The following PRKG1 variants were observed in gnomAD, a reference collection of about 807,000 sequenced individuals.
The protein encoded by PRKG1 is protein kinase cGMP-dependent 1.
PRKG1 carries 35 observed loss-of-function variants against 88.1 expected under a neutral mutation model. The ratio of observed to expected loss-of-function variants is 0.40; its 90% CI spans 0.30 to 0.53. PRKG1 has a LOEUF of 0.53. Among genes scored for constraint, PRKG1 ranks in the 20% least tolerant of loss-of-function variants. PRKG1 has a pLI of 0.59. For missense variants in PRKG1, 540 were observed against 839.8 expected (o/e 0.64, Z 4.41); for synonymous variants, 303 against 292.5 (o/e 1.04, Z -0.37).
chr10:51,273,274 G>C (rs1840027384), intron 2 of PRKG1, among the ~76,000 whole-genome samples: 1 of 151,100 alleles, frequency 6.6e-6, no homozygotes, highest in African/African-American at 2.4e-5. Flanking sequence ...CCTTTGGAAA[G>C]CTGAGGAAGG....
intron 1 of PRKG1, among the ~76,000 whole-genome samples, chr10:51,025,678 C>A (rs187393158): frequency 6.6e-6 from 1 of 152,268 alleles, no homozygotes; most frequent in African/African-American, 2.4e-5. Flanking sequence ...GATCTCGATG[C>A]AGCCACCTCT....
chr10:51,782,840 G>GT (rs1838627772), intron 3 of PRKG1, among the ~76,000 whole-genome samples: 1 of 152,096 alleles, frequency 6.6e-6, no homozygotes, highest in African/African-American at 2.4e-5. Flanking sequence ...ATATGGAACT[G>GT]TAAGTCCAAT....
intron 2 of PRKG1, among the ~76,000 whole-genome samples, chr10:51,256,774 A>G (rs1564657826): frequency 6.6e-6 from 1 of 152,116 alleles, no homozygotes; most frequent in Non-Finnish European, 1.5e-5. Flanking sequence ...GAAAAAATGA[A>G]ATCGGGGAAC....
At chr10:52,229,879 C>A (rs1198840796) in intron 9 of PRKG1, among the ~76,000 whole-genome samples, 1 of 152,138 alleles carries the variant, frequency 6.6e-6, no homozygotes, top group African/African-American at 2.4e-5. Flanking sequence ...GAGCCTTCAC[C>A]TACCCTTCTT....
chr10:51,246,067 A>G (rs912621196), intron 2 of PRKG1, among the ~76,000 whole-genome samples: 3 of 152,054 alleles, frequency 2.0e-5, no homozygotes, highest in Non-Finnish European at 2.9e-5. Context: ...AGAAGCCTCA[A>G]AGGTTTTGAG....
chr10:51,281,862 T>C (rs1013590783), intron 2 of PRKG1, among the ~76,000 whole-genome samples: 1 of 152,306 alleles, frequency 6.6e-6, no homozygotes, highest in African/African-American at 2.4e-5. Context: ...TCAAAAGCAG[T>C]GATTCTCTGC....
chr10:51,690,796 A>G (rs939821709), intron 3 of PRKG1, among the ~76,000 whole-genome samples: 2 of 151,184 alleles, frequency 1.3e-5, no homozygotes, highest in Admixed American at 6.6e-5. Flanking sequence ...TGTGGTGGCG[A>G]GCACCTGTAC....
At chr10:50,994,127 C>T (rs1470837092) in intron 1 of PRKG1, among the ~76,000 whole-genome samples, 1 of 152,150 alleles carries the variant, frequency 6.6e-6, no homozygotes, top group African/African-American at 2.4e-5. Flanking sequence ...AGTTTATTTT[C>T]AGCAAGCTGA....
intron 3 of PRKG1, among the ~76,000 whole-genome samples, chr10:51,607,976 T>C (rs999108166): frequency 6.6e-6 from 1 of 152,240 alleles, no homozygotes; most frequent in African/African-American, 2.4e-5. Context: ...AGTAATTGGC[T>C]CAATTAATAC....
At chr10:51,570,082 TA>T (rs1405765476) in intron 3 of PRKG1, among the ~76,000 whole-genome samples, 60 of 134,234 alleles carry the variant, frequency 4.5e-4, no homozygotes, top group African/African-American at 2.3e-3. Flanking sequence ...TGTGTGTGTT[TA>T]TATATGTATA....
chr10:51,074,494 A>C lies in PRKG1; in HGVS notation c.-97A>C, dbSNP rs193255334. 4.4e-4 allele frequency: 649 copies of C among 1,489,384 alleles called. 2 individuals are homozygous for C. The African/African-American group carries it at 7.4e-3, about 17-fold the overall frequency. 92.3% of individuals were successfully genotyped at this position (1,489,384 alleles called of 1,614,324 possible). A position where few individuals can be genotyped will look rare whatever the true frequency, so the allele number is the denominator to read the frequency against. ...CAAGTAGGAAGCTTTGGCACTCGGG[A>C]GGCAGCGGCGACTTTGGGGAAAGTT... On this transcript the variant is annotated 5_prime_UTR_variant, in exon 1 of 18. Transcript: ENST00000373980.
chr10:51,298,581 A>G (rs1840784627), intron 2 of PRKG1, among the ~76,000 whole-genome samples: 1 of 152,222 alleles, frequency 6.6e-6, no homozygotes, highest in Admixed American at 6.5e-5. Context: ...GGAAGGGAGA[A>G]GATGGGTTTT....
intron 1 of PRKG1, among the ~76,000 whole-genome samples, chr10:51,008,158 T>C (rs1421712343): frequency 1.3e-5 from 2 of 152,218 alleles, no homozygotes; most frequent in Admixed American, 6.5e-5. Context: ...CTGTAGTACG[T>C]ATAAACATCT....
chr10:51,164,233 G>A (rs527619618), intron 2 of PRKG1, among the ~76,000 whole-genome samples: 11 of 152,254 alleles, frequency 7.2e-5, no homozygotes, highest in East Asian at 3.9e-4. Flanking sequence ...CAGCATTCAC[G>A]GTTCACGAAA....
At chr10:51,201,739 A>G (rs779002908) in intron 2 of PRKG1, among the ~76,000 whole-genome samples, 5 of 152,152 alleles carry the variant, frequency 3.3e-5, no homozygotes, top group Non-Finnish European at 2.9e-5. Context: ...CCATGTGAGG[A>G]TACAACAGAA....
chr10:51,847,311 A>G lies in PRKG1; in HGVS notation c.698+42621A>G, dbSNP rs150318285. Among the ~76,000 whole-genome samples the G allele has an allele frequency of 5.5e-3, 831 of 152,344 alleles. 6 individuals are homozygous for G. The highest frequency in any genetic ancestry group is 0.031 in the Middle Eastern group (9 of 294). ...ACAAATGCAAAACGAGTGATGATTGAAACTGAAAGCAAATATGCGTATAAT... is the reference window on the plus strand; with the variant it reads ...ACAAATGCAAAACGAGTGATGATTGGAACTGAAAGCAAATATGCGTATAAT... On this transcript the variant is annotated intron_variant, in intron 4 of 17. Coordinates refer to ENST00000373980, the MANE Select transcript of PRKG1 (RefSeq NM_006258.4).
chr10:51,154,623 T>C (rs1846160454), intron 2 of PRKG1, among the ~76,000 whole-genome samples: 3 of 152,056 alleles, frequency 2.0e-5, no homozygotes, highest in Non-Finnish European at 2.9e-5. Context: ...CTTTTATTTA[T>C]TCTTTGTCAT....
intron 1 of PRKG1, among the ~76,000 whole-genome samples, chr10:51,019,638 A>G (rs1843110330): frequency 6.6e-6 from 1 of 152,140 alleles, no homozygotes; most frequent in Admixed American, 6.5e-5. Context: ...AAAAAAATAG[A>G]CAAATTGGAC....
chr10:51,800,464 A>C (rs1196757045), intron 3 of PRKG1, among the ~76,000 whole-genome samples: 5 of 152,122 alleles, frequency 3.3e-5, no homozygotes, highest in African/African-American at 1.2e-4. Context: ...ATCAGCCTAC[A>C]GTTGGGAAAA....
Sources: allele counts gnomAD v4.1 joint callset (sites outside exome capture counted in the v4.1 genomes callset), GRCh38; gene constraint gnomAD v4.1.1; transcripts MANE v1.5; gene names NCBI Gene and HGNC (gene_info 2026-07-23, HGNC 2026-07-21).